The following PBRM1 variants were observed in gnomAD, a reference collection of about 807,000 sequenced individuals.
The protein encoded by PBRM1 is protein polybromo-1.
PBRM1 carries 27 observed loss-of-function variants against 194.5 expected under a neutral mutation model. The ratio of observed to expected loss-of-function variants is 0.14; its 90% CI spans 0.10 to 0.19. PBRM1 has a LOEUF of 0.19. Ranked by LOEUF, PBRM1 falls within the 10% of genes least tolerant of loss-of-function variation. The pLI is 1.00. For missense variants in PBRM1, 1,466 were observed against 2,077.2 expected (o/e 0.71, Z 5.72); for synonymous variants, 655 against 693.2 (o/e 0.94, Z 0.87).
intron 24 of PBRM1, among the ~76,000 whole-genome samples, 189 bp from the exon 27 acceptor site, chr3:52,562,157 TAAA>T (rs11295229): frequency 4.0e-5 from 6 of 148,232 alleles, no homozygotes; most frequent in African/African-American, 1.5e-4. Flanking sequence ...CCGTTTCTAC[TAAA>T]AAAAAAAATA....
chr3:52,641,986 C>A (rs1407715900), exon 10 of PBRM1: 1 of 1,607,734 alleles, frequency 6.2e-7, no homozygotes, highest in East Asian at 2.2e-5. Flanking sequence ...ACTTTCTGAG[C>A]CATATTGAAG....
intron 16 of PBRM1, among the ~76,000 whole-genome samples, chr3:52,604,958 A>AAATAAATAAATAAATAAAT (rs2094250441): frequency 1.4e-5 from 2 of 145,672 alleles, no homozygotes; most frequent in Admixed American, 7.0e-5. Context: ...ACTCTGTCCC[A>AAATAAATAAATAAATAAAT]AAATAAATAA....
chr3:52,680,156 T>C (rs540125423), upstream of PBRM1, among the ~76,000 whole-genome samples: 9 of 152,256 alleles, frequency 5.9e-5, no homozygotes, highest in East Asian at 1.7e-3. Flanking sequence ...TCTGCTTCTC[T>C]ATGTGCCTTA....
chr3:52,630,884 A>G (rs570965334), intron 11 of PBRM1, among the ~76,000 whole-genome samples: 1 of 152,338 alleles, frequency 6.6e-6, no homozygotes, highest in East Asian at 1.9e-4. Flanking sequence ...CTTCTTTTGA[A>G]CTAAGCTACT....
intron 20 of PBRM1, among the ~76,000 whole-genome samples, chr3:52,580,817 A>T (rs531882076): frequency 1.3e-5 from 2 of 152,350 alleles, no homozygotes; most frequent in Admixed American, 1.3e-4. Flanking sequence ...TACGAAGCTT[A>T]AGTGACATAA....
chr3:52,685,901 C>G (rs2097306393), upstream of PBRM1: 2 of 632,168 alleles, frequency 3.2e-6, no homozygotes, highest in African/African-American at 3.7e-5. Context: ...CCTCCCGGTG[C>G]CGCCGCAAAA....
rs2095266354 is a variant in PBRM1 at position 52,621,344 on chromosome 3, T to C, written c.1542-3806A>G. Among the ~76,000 whole-genome samples, 4 of 152,168 alleles carry C rather than the reference T, an allele frequency of 2.6e-5. No individual in the cohort carries two copies. The South Asian group carries it at 8.3e-4, about 32-fold the overall frequency. ...CTGGCTAATTTTGTTTTTGTATTTT[T>C]AGTAGAGATGGGGTTTCACTGTGTT... On this transcript the variant is annotated intron_variant, in intron 13 of 29. Transcript: ENST00000296302.
chr3:52,575,537 A>G (rs2089282744), intron 22 of PBRM1, among the ~76,000 whole-genome samples: 1 of 118,240 alleles, frequency 8.5e-6, no homozygotes, highest in Non-Finnish European at 1.6e-5. Context: ...TTTTTTTGAG[A>G]CAGTCTTGCT....
At chr3:52,578,159 C>T (rs1024202520) in intron 21 of PBRM1, among the ~76,000 whole-genome samples, 8 of 152,106 alleles carry the variant, frequency 5.3e-5, no homozygotes, top group African/African-American at 1.7e-4. Flanking sequence ...CTCAGTGAGG[C>T]CTATATAAAC....
chr3:52,685,864 G>A, upstream of PBRM1: 1 of 519,660 alleles, frequency 1.9e-6, no homozygotes, highest in Non-Finnish European at 3.4e-6. Context: ...CGTCGCTTCG[G>A]CACCCGCCGC....
intron 10 of PBRM1, among the ~76,000 whole-genome samples, chr3:52,641,465 A>AAAAAAAAAAAAAAAAAG (rs1560665000): frequency 7.6e-6 from 1 of 131,266 alleles, no homozygotes; most frequent in African/African-American, 3.6e-5. Flanking sequence ...AAAAAAAAAG[A>AAAAAAAAAAAAAAAAAG]AAAAAAAAAG....
chr3:52,590,116 C>A (rs891924210), intron 17 of PBRM1, among the ~76,000 whole-genome samples: 10 of 151,924 alleles, frequency 6.6e-5, no homozygotes, highest in African/African-American at 2.4e-4. Context: ...TGAGCCACCG[C>A]GCCCAGATGA....
chr3:52,550,525 G>C (rs2080687060), exon 29 of PBRM1: 5 of 1,578,658 alleles, frequency 3.2e-6, no homozygotes, highest in Non-Finnish European at 3.4e-6. Flanking sequence ...GGTCTTTGGT[G>C]GGGGAGCTAC....
intron 5 of PBRM1, among the ~76,000 whole-genome samples, chr3:52,654,965 T>A (rs547754596): frequency 3.1e-4 from 47 of 152,048 alleles, no homozygotes; most frequent in East Asian, 1.2e-3. Context: ...ATTAAAAAAA[T>A]TTTTTTTGTA....
exon 9 of PBRM1, chr3:52,643,320 G>T (rs1271218463): frequency 1.2e-6 from 2 of 1,613,552 alleles, no homozygotes; most frequent in Non-Finnish European, 1.7e-6. Flanking sequence ...TGTCAGTCTG[G>T]CTGCAGCCAA....
At chr3:52,577,745 T>C (rs1188184605) in intron 21 of PBRM1, among the ~76,000 whole-genome samples, 1 of 152,212 alleles carries the variant, frequency 6.6e-6, no homozygotes, top group Non-Finnish European at 1.5e-5. Context: ...GAAGCATGAT[T>C]GTTCTTGCCT....
At chr3:52,549,702 C>T (rs1233685062) in intron 29 of PBRM1, among the ~76,000 whole-genome samples, 3 of 151,818 alleles carry the variant, frequency 2.0e-5, no homozygotes, top group Non-Finnish European at 4.4e-5. Flanking sequence ...GTCAGGAGTT[C>T]GAGACCAGCC....
At chr3:52,639,724 T>C (rs970518952) in intron 10 of PBRM1, among the ~76,000 whole-genome samples, 2 of 151,694 alleles carry the variant, frequency 1.3e-5, no homozygotes, top group Non-Finnish European at 2.9e-5. Flanking sequence ...AGGGAGACCC[T>C]GCCTTAAAAA....
At chr3:52,592,836 T>C (rs2093219103) in intron 17 of PBRM1, among the ~76,000 whole-genome samples, 1 of 152,214 alleles carries the variant, frequency 6.6e-6, no homozygotes, top group Admixed American at 6.5e-5. Context: ...ATCTCAGAGC[T>C]TGTTATTGGT....
Sources: gnomAD v4.1 joint callset for allele counts (sites outside exome capture counted in the v4.1 genomes callset) on GRCh38, gnomAD v4.1.1 for gene constraint, MANE v1.5 for transcripts, NCBI Gene and HGNC (gene_info 2026-07-23, HGNC 2026-07-21) for gene names.